NUBP1: variants seen among roughly 807,000 people sequenced by gnomAD.
NUBP1 encodes the protein NUBP iron-sulfur cluster assembly factor 1, cytosolic, also known as cytosolic Fe-S cluster assembly factor NUBP1.
NUBP1 carries 46 observed loss-of-function variants against 41.8 expected under a neutral mutation model. The ratio of observed to expected loss-of-function variants is 1.10; its 90% CI spans 0.87 to 1.41. NUBP1 has a LOEUF of 1.41. NUBP1 is among the 40% of genes most tolerant of loss of function. The pLI, the probability that NUBP1 is intolerant of heterozygous loss-of-function variation, is 0.00. For synonymous variants in NUBP1, 189 were observed against 154.6 expected, an observed-to-expected ratio of 1.22 and a Z score of -1.65; for missense variants, 494 against 414.0, an observed-to-expected ratio of 1.19 and a Z score of -1.68.
Position 10,757,959 on chromosome 16 carries a change from C to A in NUBP1, c.538C>A (p.His180Asn). ...CACCCCACCTGGGACGTCGGATGAA[C>A]ACCTCTCGGTCGTCCGGTACCTGGC... ...VDTPPGTSDE[H>N]LSVVRYLATA... The change falls in exon 7 of 11, where the codon CAC (histidine) becomes AAC (asparagine). Residue 180 changes from histidine to asparagine, a missense_variant. Transcript: ENST00000283027. This position sits in a 1 kb window ranked among gnomAD's most constrained non-coding sequence, Gnocchi z 4.1. 6.2e-7 allele frequency: 1 copy of A among 1,614,078 alleles called. No individual in the cohort carries two copies. Among genetic ancestry groups the A allele is most frequent in the Non-Finnish European group, 8.5e-7 (1 of 1,180,018 alleles).
At chr16:10,750,462 G>A (rs1180625906) in intron 3 of NUBP1, among the ~76,000 whole-genome samples, 2 of 151,986 alleles carry the variant, frequency 1.3e-5, no homozygotes, top group Admixed American at 6.6e-5. Context: ...GGCTAGTCTC[G>A]AACTCCTGAC....
At position 10,744,046 on chromosome 16, in the gene NUBP1, G is replaced by A. The variant is rs771702602; in HGVS notation, c.105G>A (p.Ala35=). Residue 35 remains alanine, a synonymous_variant, in exon 2 of 11, where the codon GCG becomes GCA. Coordinates refer to ENST00000283027, the MANE Select transcript of NUBP1 (RefSeq NM_002484.4). ...ACCAGCGGCTGTGCGCTTCTGGAGC[G>A]GGGGCCACTCCGGACACGGGTGAGA... The part of the protein sequence containing the change: ...CPNQRLCASG[A]GATPDTAIEE... 12 of 1,582,508 alleles carry A rather than the reference G, an allele frequency of 7.6e-6. No individual in the cohort carries two copies. The highest frequency in any genetic ancestry group is 1.7e-4 in the Middle Eastern group (1 of 5,824).
At chr16:10,748,473 G>A (rs926425649) in intron 3 of NUBP1, among the ~76,000 whole-genome samples, 14 of 152,170 alleles carry the variant, frequency 9.2e-5, no homozygotes, top group African/African-American at 2.7e-4. Context: ...TTGGTGGGTC[G>A]CTAAGAGCAC....
Position 10,768,975 on chromosome 16 carries a change from C to A in NUBP1, c.905-72C>A. The A allele has an allele frequency of 1.4e-6, 2 of 1,380,500 alleles. No individual in the cohort carries two copies. The highest frequency in any genetic ancestry group is 2.1e-6 in the Non-Finnish European group (2 of 970,206). The allele number at this position is 1,380,500 out of a possible 1,614,324, so 85.5% of individuals were successfully genotyped here. A position where few individuals can be genotyped will look rare whatever the true frequency, so the allele number is the denominator to read the frequency against. On this transcript the variant is annotated intron_variant, in intron 10 of 10. Transcript: ENST00000283027. The surrounding 1 kb of genome is among the most constrained non-coding windows in gnomAD (Gnocchi z 4.3). ...CCACCCCTGTCAAAACACAGCCCTCCCCAGCACAGGACAGGGCTGTCAAGG... is the reference window on the plus strand; with the variant it reads ...CCACCCCTGTCAAAACACAGCCCTCACCAGCACAGGACAGGGCTGTCAAGG...
chr16:10,764,124 G>A (rs1024912726), intron 9 of NUBP1, among the ~76,000 whole-genome samples: 9 of 149,180 alleles, frequency 6.0e-5, no homozygotes, highest in African/African-American at 1.2e-4. Flanking sequence ...CTCAGCCCAC[G>A]GGAGCATCCC....
intron 4 of NUBP1, among the ~76,000 whole-genome samples, chr16:10,755,020 G>A (rs1252280810): frequency 6.6e-6 from 1 of 152,114 alleles, no homozygotes; most frequent in Non-Finnish European, 1.5e-5. Flanking sequence ...ACTCCAGCCT[G>A]GTCGACAGGG....
chr16:10,743,855 G>C lies in NUBP1; in HGVS notation c.-9G>C. ...TTCCGGTGACCACGAAGGCGGCAAA[G>C]GCGACGGAATGGAGGAGGTGCCTCA... On this transcript the variant is annotated 5_prime_UTR_variant, in exon 1 of 11. Transcript: ENST00000283027. 1 of 1,562,772 alleles carries C rather than the reference G, an allele frequency of 6.4e-7. No individual in the cohort carries two copies. The highest frequency in any genetic ancestry group is 8.7e-7 in the Non-Finnish European group (1 of 1,153,768).
chr16:10,752,114 T>G (rs1900346077), intron 3 of NUBP1, among the ~76,000 whole-genome samples: 1 of 152,168 alleles, frequency 6.6e-6, no homozygotes, highest in Admixed American at 6.5e-5. Context: ...TAGTCTAGAT[T>G]TGGCTTGTAT....
At chr16:10,756,400 TAA>T (rs35010323) in intron 5 of NUBP1, among the ~76,000 whole-genome samples, 4 of 82,730 alleles carry the variant, frequency 4.8e-5, no homozygotes, top group African/African-American at 1.2e-4. Flanking sequence ...AATAAAAAAA[TAA>T]AAGAGTTAAG....
Position 10,757,681 on chromosome 16 carries a change from A to G in NUBP1, c.452-192A>G, listed in dbSNP as rs1365828706. Among the ~76,000 whole-genome samples the G allele has an allele frequency of 6.6e-6, 1 of 152,096 alleles. No individual in the cohort carries two copies. The highest frequency in any genetic ancestry group is 1.5e-5 in the Non-Finnish European group (1 of 68,024). On this transcript the variant is annotated intron_variant, in intron 6 of 10. Transcript: ENST00000283027. The surrounding 1 kb of genome is among the most constrained non-coding windows in gnomAD (Gnocchi z 4.1). ...AAAGATCAGATCATGCTTCTCCGTGAGCTGGGCACAGTGGCACGCACTTAT... is the reference window on the plus strand; with the variant it reads ...AAAGATCAGATCATGCTTCTCCGTGGGCTGGGCACAGTGGCACGCACTTAT...
Position 10,752,674 on chromosome 16 carries a change from A to G in NUBP1, c.323A>G (p.Glu108Gly), listed in dbSNP as rs1294998842. Residue 108 changes from glutamate (E) to glycine (G), a missense_variant, in exon 4 of 11, where the codon GAG becomes GGG. Coordinates refer to ENST00000283027, the MANE Select transcript of NUBP1 (RefSeq NM_002484.4). Reference sequence around the variant, plus strand: ...CCCAAGATAATGGGATTGGAAGGAGAGCAGGTAATAGCCGGTTACAGAACT... The same window carrying G: ...CCCAAGATAATGGGATTGGAAGGAGGGCAGGTAATAGCCGGTTACAGAACT... Reference protein sequence around the residue: ...SIPKIMGLEGEQVHQSGSGWS... With the variant: ...SIPKIMGLEGGQVHQSGSGWS... 1.9e-6 allele frequency: 3 copies of G among 1,613,308 alleles called. No homozygotes were observed. The African/African-American group carries it at 4.0e-5, about 22-fold the overall frequency.
At chr16:10,747,054 T>A in intron 2 of NUBP1, 89 bp from the exon 3 acceptor site, 1 of 1,523,688 alleles carries the variant, frequency 6.6e-7, no homozygotes, top group South Asian at 1.2e-5. Context: ...GTACTAGGAC[T>A]AGGACTTAGC....
intron 4 of NUBP1, among the ~76,000 whole-genome samples, chr16:10,755,482 C>G (rs1211899444): frequency 6.6e-6 from 1 of 152,226 alleles, no homozygotes; most frequent in African/African-American, 2.4e-5. Context: ...GGTTCCCTAT[C>G]TAGACATCCA....
intron 7 of NUBP1, among the ~76,000 whole-genome samples, chr16:10,758,472 C>CA (rs546097974): frequency 1.3e-4 from 20 of 152,186 alleles, no homozygotes; most frequent in African/African-American, 4.3e-4. Flanking sequence ...GGCCTTGTCC[C>CA]AAAAGATAAA....
intron 3 of NUBP1, 31 bp downstream of exon 3, chr16:10,747,307 C>G: frequency 6.2e-7 from 1 of 1,608,552 alleles, no homozygotes; most frequent in South Asian, 1.1e-5. Flanking sequence ...GGGAGATGCT[C>G]ATTTTGTCTG....
chr16:10,758,343 C>T (rs775425082), intron 7 of NUBP1, among the ~76,000 whole-genome samples: 2 of 152,106 alleles, frequency 1.3e-5, no homozygotes, highest in Admixed American at 6.5e-5. Flanking sequence ...CATGGTGGCT[C>T]GCGCCTGTAG....
At chr16:10,756,868 C>T (rs886421625) in intron 6 of NUBP1, 88 bp downstream of exon 6, 1 of 1,026,166 alleles carries the variant, frequency 9.7e-7, no homozygotes, top group Non-Finnish European at 1.4e-6. Context: ...CTGCCAGTCT[C>T]AGCCTGCTGG....
In NUBP1 at chr16:10,767,801, C is replaced by A; in HGVS notation, c.821-148C>A. 1 of 684,276 alleles carries A rather than the reference C, an allele frequency of 1.5e-6. No homozygotes were observed. Among genetic ancestry groups the A allele is most frequent in the Non-Finnish European group, 2.5e-6 (1 of 397,674 alleles). 42.4% of individuals were successfully genotyped at this position (684,276 alleles called of 1,614,324 possible). Reference sequence around the variant, plus strand: ...GCTGGAAGGAAGGTCCCTGAGACCCCACTGGTCTTTTCTACTTTGTTCTTC... The same window carrying A: ...GCTGGAAGGAAGGTCCCTGAGACCCAACTGGTCTTTTCTACTTTGTTCTTC... On this transcript the variant is annotated intron_variant, in intron 9 of 10. Transcript: ENST00000283027. The surrounding 1 kb of genome is among the most constrained non-coding windows in gnomAD (Gnocchi z 4.6).
intron 9 of NUBP1, among the ~76,000 whole-genome samples, chr16:10,762,676 C>T (rs2030144857): frequency 6.6e-6 from 1 of 152,078 alleles, no homozygotes; most frequent in South Asian, 2.1e-4. Context: ...TCCAGGAGTG[C>T]CGGCTGCACC....
Sources: allele counts gnomAD v4.1 joint callset (sites outside exome capture counted in the v4.1 genomes callset), GRCh38; gene constraint gnomAD v4.1.1; non-coding constraint Gnocchi (gnomAD v3.1); transcripts MANE v1.5; gene names NCBI Gene and HGNC (gene_info 2026-07-23, HGNC 2026-07-21).